Variants in SEMA3C observed in about 807,000 individuals in gnomAD.
The protein encoded by SEMA3C is semaphorin-3C.
In SEMA3C, 47 loss-of-function variants were observed where a neutral mutation model predicts 89.4. That is an observed-to-expected ratio of 0.53 (90% CI 0.42 to 0.67). SEMA3C has a LOEUF of 0.67. Ranked by LOEUF, SEMA3C falls within the 30% of genes least tolerant of loss-of-function variation. SEMA3C has a pLI of 0.00. For synonymous variants in SEMA3C, 310 were observed against 320.2 expected, an observed-to-expected ratio of 0.97 and a Z score of 0.34; for missense variants, 839 against 929.1, an observed-to-expected ratio of 0.90 and a Z score of 1.26.
At chr7:80,817,813 CA>C (rs1298441969) in intron 5 of SEMA3C, among the ~76,000 whole-genome samples, 3 of 151,976 alleles carry the variant, frequency 2.0e-5, no homozygotes, top group African/African-American at 7.2e-5. Flanking sequence ...ACATCTTTTA[CA>C]GATATATATT....
intron 4 of SEMA3C, among the ~76,000 whole-genome samples, chr7:80,822,641 AC>A (rs1789781766): frequency 6.6e-6 from 1 of 152,086 alleles, no homozygotes; most frequent in African/African-American, 2.4e-5. Context: ...CTAGGTTTAA[AC>A]CTTGGCTTCA....
Position 80,744,813 on chromosome 7 carries a change from G to A in SEMA3C, c.*81C>T. 6.7e-7 allele frequency: 1 copy of A among 1,498,854 alleles called. No individual in the cohort carries two copies. The highest frequency in any genetic ancestry group is 9.2e-7 in the Non-Finnish European group (1 of 1,084,172). 92.8% of individuals were successfully genotyped at this position (1,498,854 alleles called of 1,614,324 possible). A position where few individuals can be genotyped will look rare whatever the true frequency, so the allele number is the denominator to read the frequency against. ...TTTTTCAGTAATTCCCCTTGGTAAA[G>A]CACAAGTTTCTTTGCTCAAAATTTG... On this transcript the variant is annotated 3_prime_UTR_variant, in exon 18 of 18. Coordinates refer to ENST00000265361, the MANE Select transcript of SEMA3C (RefSeq NM_006379.5).
chr7:80,818,148 G>T, intron 5 of SEMA3C, 151 bp downstream of exon 5: 3 of 693,628 alleles, frequency 4.3e-6, no homozygotes, highest in Non-Finnish European at 6.7e-6. Flanking sequence ...AAGTAACTTG[G>T]CAGACAGGAA....
intron 16 of SEMA3C, among the ~76,000 whole-genome samples, chr7:80,750,430 ACG>A (rs1787897278): frequency 1.0e-5 from 1 of 96,562 alleles, no homozygotes; most frequent in Non-Finnish European, 2.0e-5. Context: ...CTACATACAT[ACG>A]TACATATATA....
At chr7:80,905,277 G>A (rs13228539) in intron 2 of SEMA3C, among the ~76,000 whole-genome samples, 5 of 17,906 alleles carry the variant, frequency 2.8e-4, no homozygotes, top group African/African-American at 4.5e-4. Context: ...AGAGAGAGGG[G>A]GAGAGAGGGG....
At chr7:80,828,213 C>T (rs1310694467) in intron 3 of SEMA3C, among the ~76,000 whole-genome samples, 2 of 152,036 alleles carry the variant, frequency 1.3e-5, no homozygotes, top group Non-Finnish European at 2.9e-5. Context: ...CAAGTAACAG[C>T]GTATTTAATA....
chr7:80,859,740 G>A (rs1051023290), intron 2 of SEMA3C, among the ~76,000 whole-genome samples: 14 of 152,084 alleles, frequency 9.2e-5, no homozygotes, highest in Admixed American at 8.5e-4. Context: ...TGAGTCCACT[G>A]CATGGTAAGC....
chr7:80,814,282 A>T (rs1019664444), intron 5 of SEMA3C, among the ~76,000 whole-genome samples: 1 of 151,336 alleles, frequency 6.6e-6, no homozygotes, highest in African/African-American at 2.4e-5. Context: ...TAGAGATGGG[A>T]TTTCACCATG....
intron 2 of SEMA3C, 33 bp downstream of exon 2, chr7:80,916,646 C>T: frequency 6.3e-7 from 1 of 1,575,936 alleles, no homozygotes; most frequent in Non-Finnish European, 8.6e-7. Flanking sequence ...CTTAAAATAA[C>T]ATTTTTCCCA....
chr7:80,765,850 T>TA (rs570501456), intron 12 of SEMA3C, among the ~76,000 whole-genome samples: 1 of 152,272 alleles, frequency 6.6e-6, no homozygotes, highest in South Asian at 2.1e-4. Flanking sequence ...GTGCTGGTAT[T>TA]ACAGGCGTGG....
At position 80,798,142 on chromosome 7, in the gene SEMA3C, G is replaced by C; in HGVS notation, c.1081C>G (p.His361Asp). The C allele has an allele frequency of 1.2e-6, 2 of 1,608,344 alleles. No individual in the cohort carries two copies. Among genetic ancestry groups the C allele is most frequent in the Non-Finnish European group, 1.7e-6 (2 of 1,177,616 alleles). The stretch of plus-strand genomic sequence containing the variant: ...CTGCCCTGATAGGAAATCAGCTGAT[G>C]ATTGGGCCCTTCTTTGTGGGCAAAA... ...GPFAHKEGPN[H>D]QLISYQGRIP... Residue 361 changes from histidine to aspartate, a missense_variant, in exon 11 of 18, where the codon CAT becomes GAT. Coordinates refer to ENST00000265361, the MANE Select transcript of SEMA3C (RefSeq NM_006379.5).
intron 5 of SEMA3C, among the ~76,000 whole-genome samples, chr7:80,814,239 C>T (rs1487853527): frequency 6.6e-6 from 1 of 152,062 alleles, no homozygotes; most frequent in East Asian, 1.9e-4. Flanking sequence ...CAGGTACCTG[C>T]CACCACGCCC....
intron 2 of SEMA3C, among the ~76,000 whole-genome samples, chr7:80,903,562 T>C (rs1017445970): frequency 6.6e-6 from 1 of 152,118 alleles, no homozygotes; most frequent in African/African-American, 2.4e-5. Context: ...CTCAGGAGGC[T>C]GAGACAGGAG....
chr7:80,876,092 G>A (rs1317694559), intron 2 of SEMA3C, among the ~76,000 whole-genome samples: 2 of 152,112 alleles, frequency 1.3e-5, no homozygotes, highest in Non-Finnish European at 2.9e-5. Context: ...TGGAAATCGA[G>A]TTTGCCACCA....
intron 2 of SEMA3C, among the ~76,000 whole-genome samples, chr7:80,851,673 C>G (rs957151330): frequency 2.0e-5 from 3 of 151,746 alleles, no homozygotes; most frequent in African/African-American, 7.3e-5. Context: ...GCTGAGAGGG[C>G]ATCATTAAGC....
chr7:80,893,426 T>C (rs553974339), intron 2 of SEMA3C, among the ~76,000 whole-genome samples: 2 of 152,312 alleles, frequency 1.3e-5, no homozygotes, highest in African/African-American at 2.4e-5. Flanking sequence ...CTGTACTCTT[T>C]CCAGGTACAA....
intron 2 of SEMA3C, among the ~76,000 whole-genome samples, chr7:80,844,542 T>G (rs1161584084): frequency 6.6e-6 from 1 of 152,144 alleles, no homozygotes; most frequent in Non-Finnish European, 1.5e-5. Context: ...ATCAATCTCA[T>G]GGGTTCCTAA....
rs796217306 is a variant in SEMA3C at position 80,744,227 on chromosome 7, A to C, written c.*667T>G. 1 of 152,172 alleles carries C rather than the reference A, an allele frequency of 6.6e-6. No homozygotes were observed. Among genetic ancestry groups the C allele is most frequent in the Non-Finnish European group, 1.5e-5 (1 of 68,058 alleles). 9.4% of individuals were successfully genotyped at this position (152,172 alleles called of 1,614,324 possible). ...TGCTTCACTGATATAACTCCCACCA[A>C]ATATCTTCATGGGGTAGGTTACTGA... is the stretch of plus-strand genomic sequence containing the variant. On this transcript the variant is annotated 3_prime_UTR_variant, in exon 18 of 18. Coordinates refer to ENST00000265361, the MANE Select transcript of SEMA3C (RefSeq NM_006379.5).
At chr7:80,788,210 A>G (rs1788849341) in intron 12 of SEMA3C, among the ~76,000 whole-genome samples, 1 of 152,160 alleles carries the variant, frequency 6.6e-6, no homozygotes, top group Non-Finnish European at 1.5e-5. Context: ...ACTTTTACAG[A>G]CGTGTTGTCT....
Sources: allele counts gnomAD v4.1 joint callset (sites outside exome capture counted in the v4.1 genomes callset), GRCh38; gene constraint gnomAD v4.1.1; transcripts MANE v1.5; gene names NCBI Gene and HGNC (gene_info 2026-07-23, HGNC 2026-07-21).